ARHGAP24: variants seen among roughly 807,000 people sequenced by gnomAD.
ARHGAP24 encodes the protein rho GTPase-activating protein 24.
ARHGAP24 carries 50 observed loss-of-function variants against 76.4 expected under a neutral mutation model. The observed-to-expected ratio is 0.65, with a 90% CI of 0.52 to 0.83. The LOEUF (loss-of-function observed/expected upper bound fraction) is 0.83. ARHGAP24 is among the 40% of genes least tolerant of loss of function. ARHGAP24 has a pLI of 0.00. For synonymous variants in ARHGAP24, 345 were observed against 323.3 expected, an observed-to-expected ratio of 1.07 and a Z score of -0.72; for missense variants, 930 against 914.2, an observed-to-expected ratio of 1.02 and a Z score of -0.22.
chr4:85,543,390 G>T (rs1383399231), intron 1 of ARHGAP24, among the ~76,000 whole-genome samples: 1 of 152,184 alleles, frequency 6.6e-6, no homozygotes, highest in Non-Finnish European at 1.5e-5. Flanking sequence ...TGGCAGTGAA[G>T]GGTGGACAAA....
At chr4:85,999,702 G>T (rs1740890130) in intron 9 of ARHGAP24, 1 of 152,126 alleles carries the variant, frequency 6.6e-6, no homozygotes, top group South Asian at 2.1e-4. Context: ...GGATCTTAGT[G>T]GTTATGGAGA....
chr4:85,722,423 A>G (rs1049645387), intron 3 of ARHGAP24: 4 of 206,718 alleles, frequency 1.9e-5, no homozygotes, highest in Middle Eastern at 4.7e-4. Context: ...AAAAAAAAAC[A>G]ACTCTTACTA....
At chr4:85,775,317 C>T (rs927129752) in intron 3 of ARHGAP24, among the ~76,000 whole-genome samples, 2 of 152,006 alleles carry the variant, frequency 1.3e-5, no homozygotes, top group African/African-American at 4.8e-5. Context: ...TTAGGAAATT[C>T]GGTAGGTGTA....
At chr4:85,912,606 T>C (rs1158622087) in intron 3 of ARHGAP24, among the ~76,000 whole-genome samples, 1 of 152,230 alleles carries the variant, frequency 6.6e-6, no homozygotes. Flanking sequence ...CCCAAACACA[T>C]TCTCTAAAAT....
At chr4:85,962,981 T>C (rs1263387177) in intron 5 of ARHGAP24, among the ~76,000 whole-genome samples, 1 of 151,988 alleles carries the variant, frequency 6.6e-6, no homozygotes, top group Non-Finnish European at 1.5e-5. Flanking sequence ...AAAATAATTC[T>C]ACAAAGAACA....
intron 4 of ARHGAP24, among the ~76,000 whole-genome samples, chr4:85,938,693 A>C (rs763278197): frequency 1.3e-5 from 2 of 152,216 alleles, no homozygotes; most frequent in Non-Finnish European, 2.9e-5. Flanking sequence ...CAGGAATTTT[A>C]AATCATATGT....
At chr4:85,705,088 A>G (rs1724261102) in intron 2 of ARHGAP24, among the ~76,000 whole-genome samples, 2 of 152,118 alleles carry the variant, frequency 1.3e-5, no homozygotes, top group South Asian at 4.1e-4. Flanking sequence ...AAGACATACC[A>G]TCATTTTAGG....
chr4:85,648,103 T>G (rs1161464946), intron 2 of ARHGAP24, among the ~76,000 whole-genome samples: 1 of 152,110 alleles, frequency 6.6e-6, no homozygotes, highest in Non-Finnish European at 1.5e-5. Context: ...TTCACACCTG[T>G]TGTAGGAAAT....
intron 2 of ARHGAP24, among the ~76,000 whole-genome samples, chr4:85,694,262 C>T (rs981853775): frequency 1.3e-5 from 2 of 152,012 alleles, no homozygotes; most frequent in African/African-American, 4.8e-5. Context: ...TTCAGAGAAA[C>T]TACGGGATTG....
chr4:85,802,154 T>C (rs1728604864), intron 3 of ARHGAP24, among the ~76,000 whole-genome samples: 1 of 152,200 alleles, frequency 6.6e-6, no homozygotes, highest in Non-Finnish European at 1.5e-5. Flanking sequence ...TTAATAGCAC[T>C]GGCTTCTTGA....
At chr4:85,609,354 C>T (rs555721650) in intron 2 of ARHGAP24, among the ~76,000 whole-genome samples, 20 of 152,216 alleles carry the variant, frequency 1.3e-4, no homozygotes, top group African/African-American at 3.1e-4. Flanking sequence ...ACACTGTCCT[C>T]GTCCAATTGA....
intron 4 of ARHGAP24, chr4:85,931,008 C>T: frequency 1.9e-6 from 3 of 1,613,780 alleles, no homozygotes; most frequent in Non-Finnish European, 2.5e-6. Flanking sequence ...AAACTACATA[C>T]AGAAGAATCA....
At chr4:85,609,505 C>T (rs554335763) in intron 2 of ARHGAP24, among the ~76,000 whole-genome samples, 2 of 152,076 alleles carry the variant, frequency 1.3e-5, no homozygotes, top group Non-Finnish European at 2.9e-5. Context: ...ATTTTATTTT[C>T]CTTTAATATG....
At chr4:85,858,695 T>C (rs1430313943) in intron 3 of ARHGAP24, among the ~76,000 whole-genome samples, 9 of 152,034 alleles carry the variant, frequency 5.9e-5, no homozygotes, top group Admixed American at 5.3e-4. Context: ...TTGTAAGATA[T>C]GAAATTAACC....
Position 85,866,958 on chromosome 4 carries a change from C to T in ARHGAP24, c.269-56690C>T, listed in dbSNP as rs77033675. Among the ~76,000 whole-genome samples the T allele has an allele frequency of 6.7e-3, 1,013 of 152,202 alleles. 13 individuals are homozygous for T. Among genetic ancestry groups the T allele is most frequent in the East Asian group, 0.046 (238 of 5,172 alleles). ...TTGTGGAAAGTCTTTTCATTAAACCCTCCATGAGTTATCACAGATTAATTT... is the reference window on the plus strand; with the variant it reads ...TTGTGGAAAGTCTTTTCATTAAACCTTCCATGAGTTATCACAGATTAATTT... On this transcript the variant is annotated intron_variant, in intron 3 of 9. Transcript: ENST00000395184.
intron 2 of ARHGAP24, among the ~76,000 whole-genome samples, chr4:85,700,411 ATAAATAAAGAAG>A (rs1346308471): frequency 3.3e-4 from 23 of 69,870 alleles, no homozygotes; most frequent in Non-Finnish European, 7.2e-4. Context: ...AAAAAAATAA[ATAAATAAAGAAG>A]AAGAAGAAAA....
At position 85,747,902 on chromosome 4, in the gene ARHGAP24, A is replaced by G. The variant is rs111600939; in HGVS notation, c.268+25930A>G. Among the ~76,000 whole-genome samples, 1,107 of 152,356 alleles carry G rather than the reference A, an allele frequency of 7.3e-3. 18 individuals carry two copies. Among genetic ancestry groups the G allele is most frequent in the African/African-American group, 0.024 (1,002 of 41,580 alleles). ...AAGTAAAGAAGATTTGGAGGGGACA[A>G]TGTTTTAAAATTTTGTGAGTGACTT... On this transcript the variant is annotated intron_variant, in intron 3 of 9. Transcript: ENST00000395184.
At chr4:85,746,332 C>A (rs1245113583) in intron 3 of ARHGAP24, among the ~76,000 whole-genome samples, 2 of 152,176 alleles carry the variant, frequency 1.3e-5, no homozygotes, top group Non-Finnish European at 2.9e-5. Context: ...GAGTATCTGA[C>A]TGATTCTTCA....
At chr4:85,915,382 A>T (rs1735325407) in intron 3 of ARHGAP24, among the ~76,000 whole-genome samples, 2 of 152,194 alleles carry the variant, frequency 1.3e-5, no homozygotes, top group African/African-American at 4.8e-5. Flanking sequence ...ACCAAAATAA[A>T]AGTCAATATT....
Sources: allele counts gnomAD v4.1 joint callset (sites outside exome capture counted in the v4.1 genomes callset), GRCh38; gene constraint gnomAD v4.1.1; transcripts MANE v1.5; gene names NCBI Gene and HGNC (gene_info 2026-07-23, HGNC 2026-07-21).